The following FRAS1 variants were observed in gnomAD, a reference collection of about 807,000 sequenced individuals.
FRAS1 encodes extracellular matrix organizing protein FRAS1.
FRAS1 carries 290 observed loss-of-function variants against 435.2 expected under a neutral mutation model. That is an observed-to-expected ratio of 0.67 (90% CI 0.61 to 0.73). The LOEUF is 0.73. Ranked by LOEUF, FRAS1 falls within the 30% of genes least tolerant of loss-of-function variation. The pLI, the probability that FRAS1 is intolerant of heterozygous loss-of-function variation, is 0.00. For synonymous variants in FRAS1, 1,800 were observed against 1,851.0 expected (o/e 0.97, Z 0.71); for missense variants, 4,860 against 5,001.5 (o/e 0.97, Z 0.85).
rs552367872 is a variant in FRAS1, at chr4:78,325,848, A to G, written c.2137+6862A>G. Among the ~76,000 whole-genome samples, 3 of 152,314 alleles carry G rather than the reference A, an allele frequency of 2.0e-5. No individual in the cohort carries two copies. In the East Asian group the frequency reaches 5.8e-4, roughly 29 times the overall value. On this transcript the variant is annotated intron_variant, in intron 18 of 73. Coordinates refer to ENST00000512123, the MANE Select transcript of FRAS1 (RefSeq NM_025074.7). Reference sequence around the variant, plus strand: ...TGTAGAGGGAAAACTTTCTATGATTAAGCCTTTGAAGGATTAATGGGAGTT... The same window carrying G: ...TGTAGAGGGAAAACTTTCTATGATTGAGCCTTTGAAGGATTAATGGGAGTT...
At chr4:78,443,021 C>T (rs914592133) in intron 41 of FRAS1, among the ~76,000 whole-genome samples, 1 of 152,208 alleles carries the variant, frequency 6.6e-6, no homozygotes, top group Non-Finnish European at 1.5e-5. Flanking sequence ...AGAGGCTCCT[C>T]CGCCTCTGTT....
chr4:78,448,676 C>G (rs537108332), intron 44 of FRAS1, among the ~76,000 whole-genome samples: 1 of 143,218 alleles, frequency 7.0e-6, no homozygotes, highest in African/African-American at 2.9e-5. Flanking sequence ...AAACAAATAA[C>G]GAAATATAGC....
chr4:78,250,028 A>T (rs996689100), intron 4 of FRAS1, among the ~76,000 whole-genome samples: 1 of 152,140 alleles, frequency 6.6e-6, no homozygotes, highest in African/African-American at 2.4e-5. Flanking sequence ...CTTTAAATAT[A>T]TGTAGTCAAA....
chr4:78,161,736 C>T (rs1486586228), intron 2 of FRAS1, among the ~76,000 whole-genome samples: 6 of 50,588 alleles, frequency 1.2e-4, no homozygotes, highest in African/African-American at 5.4e-4. Flanking sequence ...GAGCAAAACT[C>T]TGTCTCAAAA....
At chr4:78,315,248 C>G (rs1215757394) in intron 15 of FRAS1, among the ~76,000 whole-genome samples, 1 of 152,150 alleles carries the variant, frequency 6.6e-6, no homozygotes, top group Non-Finnish European at 1.5e-5. Context: ...ATCTGAAATT[C>G]AAATTTTATG....
At chr4:78,445,784 A>T in intron 42 of FRAS1, 72 bp downstream of exon 42, 1 of 1,515,388 alleles carries the variant, frequency 6.6e-7, no homozygotes, top group South Asian at 1.4e-5. Context: ...AGCTTTCTTT[A>T]TAGGGACTCA....
At chr4:78,364,928 T>G (rs1731204721) in intron 22 of FRAS1, among the ~76,000 whole-genome samples, 2 of 152,202 alleles carry the variant, frequency 1.3e-5, no homozygotes, top group Admixed American at 1.3e-4. Flanking sequence ...AAATCCTAAC[T>G]GCTACTTAGA....
At chr4:78,245,462 T>G (rs1250732908) in intron 4 of FRAS1, 137 bp downstream of exon 4, 2 of 636,890 alleles carry the variant, frequency 3.1e-6, no homozygotes, top group Admixed American at 2.6e-5. Context: ...TTTGACTTTC[T>G]GTGAGCATTT....
At chr4:78,334,390 G>A (rs75190197) in intron 19 of FRAS1, among the ~76,000 whole-genome samples, 1 of 11,980 alleles carries the variant, frequency 8.3e-5, no homozygotes, top group Non-Finnish European at 1.7e-4. Flanking sequence ...TTTTTTTTTT[G>A]AGACGGAGTC....
At chr4:78,408,474 A>C (rs1019632564) in intron 31 of FRAS1, among the ~76,000 whole-genome samples, 6 of 152,170 alleles carry the variant, frequency 3.9e-5, no homozygotes, top group Admixed American at 1.3e-4. Flanking sequence ...TAAAATATAA[A>C]AATACTATAT....
intron 2 of FRAS1, among the ~76,000 whole-genome samples, chr4:78,122,878 C>G (rs561565657): frequency 6.6e-6 from 1 of 151,956 alleles, no homozygotes; most frequent in African/African-American, 2.4e-5. Context: ...GGATATTAGC[C>G]CTTTGTCAGA....
chr4:78,537,047 T>C lies in FRAS1; in HGVS notation c.11145T>C (p.Ser3715=), dbSNP rs1273228800. 6.2e-7 allele frequency: 1 copy of C among 1,614,038 alleles called. No homozygotes were observed. The highest frequency in any genetic ancestry group is 8.5e-7 in the Non-Finnish European group (1 of 1,179,892). The stretch of plus-strand genomic sequence containing the variant: ...GGAATCCAGAACAAAATCTTAATTC[T>C]GCTTACAAACTCCAGCTGGAGAAAG... ...VLWNPEQNLN[S]AYKLQLEKVY... The change falls in exon 72 of 74, where the codon TCT becomes TCC. Residue 3715 remains serine, a synonymous_variant. Coordinates refer to ENST00000512123, the MANE Select transcript of FRAS1 (RefSeq NM_025074.7).
chr4:78,291,461 T>C (rs1381115563), intron 14 of FRAS1, among the ~76,000 whole-genome samples: 1 of 152,170 alleles, frequency 6.6e-6, no homozygotes, highest in African/African-American at 2.4e-5. Context: ...TTGCCTCCTG[T>C]TGTGTGGCCC....
At chr4:78,203,946 A>G (rs1229998544) in intron 2 of FRAS1, among the ~76,000 whole-genome samples, 1 of 152,054 alleles carries the variant, frequency 6.6e-6, no homozygotes. Context: ...TTTGTTAGTG[A>G]TCTTACTGTT....
At chr4:78,133,612 A>T (rs563764016) in intron 2 of FRAS1, among the ~76,000 whole-genome samples, 1 of 152,364 alleles carries the variant, frequency 6.6e-6, no homozygotes, top group African/African-American at 2.4e-5. Flanking sequence ...GCCTGCCTGT[A>T]TCAAAACATC....
chr4:78,240,584 G>C (rs1342379920), intron 3 of FRAS1, among the ~76,000 whole-genome samples: 2 of 152,220 alleles, frequency 1.3e-5, no homozygotes, highest in African/African-American at 4.8e-5. Context: ...GGTTTGAAAT[G>C]TCTGGGAAAG....
intron 2 of FRAS1, among the ~76,000 whole-genome samples, chr4:78,229,247 G>A (rs1724409086): frequency 6.6e-6 from 1 of 151,058 alleles, no homozygotes; most frequent in African/African-American, 2.4e-5. Flanking sequence ...GTTTTAGGAA[G>A]AAATAAAAAG....
intron 2 of FRAS1, among the ~76,000 whole-genome samples, chr4:78,123,387 G>A (rs564444660): frequency 2.0e-5 from 3 of 152,254 alleles, no homozygotes; most frequent in South Asian, 4.2e-4. Context: ...TAGCATTGTA[G>A]CATAGTTTGA....
At chr4:78,210,951 T>G (rs1723478542) in intron 2 of FRAS1, among the ~76,000 whole-genome samples, 1 of 152,180 alleles carries the variant, frequency 6.6e-6, no homozygotes, top group Non-Finnish European at 1.5e-5. Flanking sequence ...AAGGCTTCAT[T>G]TCCCTTCACT....
Sources: allele counts gnomAD v4.1 joint callset (sites outside exome capture counted in the v4.1 genomes callset), GRCh38; gene constraint gnomAD v4.1.1; transcripts MANE v1.5; gene names NCBI Gene and HGNC (gene_info 2026-07-23, HGNC 2026-07-21).